PTPRN2: variants seen among roughly 807,000 people sequenced by gnomAD.
PTPRN2 encodes receptor-type tyrosine-protein phosphatase N2.
A neutral mutation model predicts 118.8 loss-of-function variants in PTPRN2; 74 were observed. The observed-to-expected ratio is 0.62, with a 90% CI of 0.52 to 0.76. The LOEUF (loss-of-function observed/expected upper bound fraction) is 0.76. Ranked by LOEUF, PTPRN2 falls within the 30% of genes least tolerant of loss-of-function variation. The pLI, the probability that PTPRN2 is intolerant of heterozygous loss-of-function variation, is 0.00. For missense variants in PTPRN2, 1,481 were observed against 1,394.4 expected, an observed-to-expected ratio of 1.06 and a Z score of -0.99; for synonymous variants, 641 against 608.0, an observed-to-expected ratio of 1.05 and a Z score of -0.80.
intron 11 of PTPRN2, among the ~76,000 whole-genome samples, chr7:158,065,905 T>C (rs1271542465): frequency 6.6e-6 from 1 of 152,086 alleles, no homozygotes; most frequent in Non-Finnish European, 1.5e-5. Flanking sequence ...ATTCAATTCT[T>C]GAAGAAAATG....
At chr7:157,725,451 C>T (rs377173919) in intron 12 of PTPRN2, among the ~76,000 whole-genome samples, 1,181 of 41,158 alleles carry the variant, frequency 0.029, 1 homozygote, top group Middle Eastern at 0.097. Flanking sequence ...ACTGGATATC[C>T]ACATGCAGAG....
intron 9 of PTPRN2, among the ~76,000 whole-genome samples, chr7:158,115,329 T>G (rs1563455278): frequency 6.6e-6 from 1 of 152,074 alleles, no homozygotes; most frequent in Non-Finnish European, 1.5e-5. Context: ...TAATGGTGAC[T>G]GAAGTGGACA....
intron 5 of PTPRN2, among the ~76,000 whole-genome samples, chr7:158,167,524 T>C (rs1259739162): frequency 6.6e-6 from 1 of 152,220 alleles, no homozygotes; most frequent in Non-Finnish European, 1.5e-5. Flanking sequence ...TTCATATTTG[T>C]TCCTGCATTA....
intron 10 of PTPRN2, among the ~76,000 whole-genome samples, chr7:158,089,629 ACACAAACCTTCTTCCCCTGATG>A: frequency 9.7e-6 from 1 of 102,688 alleles, no homozygotes; most frequent in Admixed American, 9.6e-5. Context: ...GGGAGTCTTC[ACACAAACCTTCTTCCCCTGATG>A]AAAGGGGGAG....
Position 157,974,906 on chromosome 7 carries a change from G to A in PTPRN2, c.1724-76169C>T, listed in dbSNP as rs1016491740. On this transcript the variant is annotated intron_variant, in intron 11 of 22. Transcript: ENST00000389418. This position sits in a 1 kb window ranked among gnomAD's most constrained non-coding sequence, Gnocchi z 4.0. ...CCCCTCAGGCATGTTCACCATCATG[G>A]CGCACATGTCTGGGAGTGAGCAGAG... 3.3e-5 allele frequency among the ~76,000 whole-genome samples: 5 copies of A among 152,108 alleles called. No homozygotes were observed. The highest frequency in any genetic ancestry group is 1.2e-4 in the African/African-American group (5 of 41,392).
chr7:157,653,321 G>A (rs1805800053), intron 14 of PTPRN2, among the ~76,000 whole-genome samples: 1 of 152,210 alleles, frequency 6.6e-6, no homozygotes, highest in Non-Finnish European at 1.5e-5. Flanking sequence ...ATCCTCAGGT[G>A]AGGGGCACTG....
intron 3 of PTPRN2, among the ~76,000 whole-genome samples, chr7:158,260,082 T>C (rs1797298603): frequency 6.6e-6 from 1 of 152,258 alleles, no homozygotes; most frequent in Non-Finnish European, 1.5e-5. Context: ...TGTATGTGCG[T>C]GCACGTCTGT....
At chr7:158,262,851 TACATTCACAC>T (rs1241409691) in intron 3 of PTPRN2, among the ~76,000 whole-genome samples, 6 of 124,696 alleles carry the variant, frequency 4.8e-5, no homozygotes, top group East Asian at 2.6e-4. Flanking sequence ...CACACATACA[TACATTCACAC>T]ACATTCACAC....
At position 157,822,339 on chromosome 7, in the gene PTPRN2, A is replaced by G. The variant is rs114403725; in HGVS notation, c.1788+76334T>C. The stretch of plus-strand genomic sequence containing the variant: ...GAGCCATCCTCCCACTCATCCATCC[A>G]TCCATCCGTCCATCCATCTATACAC... On this transcript the variant is annotated intron_variant, in intron 12 of 22. Transcript: ENST00000389418. Among the ~76,000 whole-genome samples the G allele has an allele frequency of 3.5e-3, 527 of 151,552 alleles. 5 individuals are homozygous for G. The highest frequency in any genetic ancestry group is 0.012 in the African/African-American group (480 of 41,288).
chr7:158,213,007 T>G (rs1179596111), intron 3 of PTPRN2, among the ~76,000 whole-genome samples: 1 of 152,164 alleles, frequency 6.6e-6, no homozygotes, highest in Admixed American at 6.5e-5. Flanking sequence ...ATGCTCAAAA[T>G]TACCAAATAA....
At chr7:157,555,043 G>A (rs1289593401) in intron 21 of PTPRN2, among the ~76,000 whole-genome samples, 1 of 149,020 alleles carries the variant, frequency 6.7e-6, no homozygotes, top group African/African-American at 2.6e-5. Flanking sequence ...CTGCACCCTC[G>A]TGCCTGGGAC....
At chr7:157,843,195 G>A (rs573321127) in intron 12 of PTPRN2, among the ~76,000 whole-genome samples, 2 of 152,328 alleles carry the variant, frequency 1.3e-5, no homozygotes, top group Admixed American at 6.5e-5. Context: ...ACCCCTGCTA[G>A]GTGAGAAATT....
chr7:157,796,330 C>T (rs1259487790), intron 12 of PTPRN2, among the ~76,000 whole-genome samples: 1 of 152,216 alleles, frequency 6.6e-6, no homozygotes, highest in Non-Finnish European at 1.5e-5. Flanking sequence ...CCGAATCTCA[C>T]ATTTTACCGG....
In PTPRN2 at chr7:157,591,346, G is replaced by A. The variant is rs969439424; in HGVS notation, c.2496+3892C>T. On this transcript the variant is annotated intron_variant, in intron 17 of 22. Coordinates refer to ENST00000389418, the MANE Select transcript of PTPRN2 (RefSeq NM_002847.5). This position sits in a 1 kb window ranked among gnomAD's most constrained non-coding sequence, Gnocchi z 4.4. ...GAGCTTCAGATCAGCATCAACAGCC[G>A]GAGATAAAAGGAAGGTGCTTTGGGA... is the stretch of plus-strand genomic sequence containing the variant. 6.6e-6 allele frequency among the ~76,000 whole-genome samples: 1 copy of A among 152,188 alleles called. No homozygotes were observed. The highest frequency in any genetic ancestry group is 1.5e-5 in the Non-Finnish European group (1 of 68,034).
In PTPRN2 at chr7:157,845,738, T is replaced by A. The variant is rs1584852251; in HGVS notation, c.1788+52935A>T. On this transcript the variant is annotated intron_variant, in intron 12 of 22. Coordinates refer to ENST00000389418, the MANE Select transcript of PTPRN2 (RefSeq NM_002847.5). This position sits in a 1 kb window ranked among gnomAD's most constrained non-coding sequence, Gnocchi z 4.5. ...GGCCCCAGAGAGGTCCCTGTGCTCA[T>A]GACTCACAGAGACGGGGACGGCAGC... Among the ~76,000 whole-genome samples the A allele has an allele frequency of 6.6e-6, 1 of 152,092 alleles. No homozygotes were observed. The highest frequency in any genetic ancestry group is 1.5e-5 in the Non-Finnish European group (1 of 68,024).
At chr7:157,966,631 C>G (rs1801954248) in intron 11 of PTPRN2, among the ~76,000 whole-genome samples, 1 of 151,844 alleles carries the variant, frequency 6.6e-6, no homozygotes, top group African/African-American at 2.4e-5. Context: ...TTATGATCAC[C>G]ATTATCTTCA....
At chr7:157,666,410 C>T (rs1318760067) in intron 13 of PTPRN2, among the ~76,000 whole-genome samples, 2 of 151,722 alleles carry the variant, frequency 1.3e-5, no homozygotes, top group Non-Finnish European at 1.5e-5. Context: ...AAAAAGGGCA[C>T]GGTTTTGCAG....
Position 157,905,998 on chromosome 7 carries a change from T to C in PTPRN2, c.1724-7261A>G, listed in dbSNP as rs114103686. ...AACAAGCTGCCTCAACGCTGCCACT[T>C]TCCACCCAGGGCCCCCGTGCAGGGG... On this transcript the variant is annotated intron_variant, in intron 11 of 22. Transcript: ENST00000389418. Among the ~76,000 whole-genome samples the C allele has an allele frequency of 7.3e-3, 1,110 of 152,288 alleles. 11 individuals are homozygous for C. Among genetic ancestry groups the C allele is most frequent in the African/African-American group, 0.026 (1,064 of 41,554 alleles).
intron 1 of PTPRN2, among the ~76,000 whole-genome samples, chr7:158,571,407 G>A (rs925896559): frequency 6.6e-6 from 1 of 151,492 alleles, no homozygotes; most frequent in African/African-American, 2.4e-5. Context: ...GAACATGGGA[G>A]GCAGAGGTTG....
Sources: gnomAD v4.1 joint callset for allele counts (sites outside exome capture counted in the v4.1 genomes callset) on GRCh38, gnomAD v4.1.1 for gene constraint, Gnocchi (gnomAD v3.1) non-coding constraint, MANE v1.5 for transcripts, NCBI Gene and HGNC (gene_info 2026-07-23, HGNC 2026-07-21) for gene names.